Variants in OPHN1 observed in about 807,000 individuals in gnomAD.
OPHN1 encodes oligophrenin-1.
In OPHN1, 11 loss-of-function variants were observed where a neutral mutation model predicts 60.7. The ratio of observed to expected loss-of-function variants is 0.18; its 90% CI spans 0.11 to 0.30. OPHN1 has a LOEUF of 0.30. OPHN1 is among the 10% of genes least tolerant of loss of function. The probability of loss-of-function intolerance (pLI) is 1.00; values close to 1 mark genes in which losing one functional copy is unlikely to be tolerated. For missense variants in OPHN1, 449 were observed against 611.0 expected (o/e 0.73, Z 2.80); for synonymous variants, 226 against 222.6 (o/e 1.02, Z -0.14).
intron 15 of OPHN1, among the ~76,000 whole-genome samples, chrX:68,140,063 A>G (rs2077235882): frequency 8.9e-6 from 1 of 112,253 alleles, no homozygotes; most frequent in Admixed American, 9.4e-5. Flanking sequence ...AATTCATTGA[A>G]AAGTTTGACA....
intron 15 of OPHN1, among the ~76,000 whole-genome samples, chrX:68,131,935 A>G (rs56075207): frequency 0.21 from 23,385 of 111,997 alleles, 2,013 homozygotes; most frequent in Middle Eastern, 0.32. Context: ...TCCATTCCGC[A>G]TGGAAAATTA....
At chrX:68,209,380 A>T (rs2077574030) in intron 9 of OPHN1, among the ~76,000 whole-genome samples, 1 of 111,791 alleles carries the variant, frequency 8.9e-6, no homozygotes, top group African/African-American at 3.2e-5. Flanking sequence ...AGCCTGAGCA[A>T]CATAGTGAGA....
chrX:68,307,458 CAAA>C (rs757375176), intron 2 of OPHN1, among the ~76,000 whole-genome samples: 2 of 50,186 alleles, frequency 4.0e-5, no homozygotes, highest in Non-Finnish European at 4.8e-5. Flanking sequence ...CCTATGTCAA[CAAA>C]AAAAAAAAAA....
intron 3 of OPHN1, among the ~76,000 whole-genome samples, chrX:68,289,251 T>C (rs1165711103): frequency 9.0e-6 from 1 of 111,681 alleles, no homozygotes; most frequent in Admixed American, 9.5e-5. Flanking sequence ...ATCCAAGAAT[T>C]TTCTTTTTAA....
chrX:68,314,985 CAA>C (rs767435080), intron 2 of OPHN1, among the ~76,000 whole-genome samples: 3 of 53,851 alleles, frequency 5.6e-5, no homozygotes. Flanking sequence ...GACTCCATCT[CAA>C]AAAAAAAAAA....
chrX:68,169,089 G>A (rs189728660), intron 15 of OPHN1, among the ~76,000 whole-genome samples: 1 of 111,408 alleles, frequency 9.0e-6, no homozygotes, highest in Non-Finnish European at 1.9e-5. Context: ...GGAGGAACTG[G>A]TACCATTCCT....
At chrX:68,268,840 C>A (rs1208126667) in intron 5 of OPHN1, among the ~76,000 whole-genome samples, 1 of 111,816 alleles carries the variant, frequency 8.9e-6, no homozygotes, top group Non-Finnish European at 1.9e-5. Flanking sequence ...ACCTAAAAAA[C>A]CGCACTGTCT....
chrX:68,371,676 G>A (rs1321237459), intron 2 of OPHN1, among the ~76,000 whole-genome samples: 1 of 112,222 alleles, frequency 8.9e-6, no homozygotes. Flanking sequence ...ACAGGTTTGT[G>A]TCAATACACA....
Position 68,349,215 on chromosome X carries a change from AAAAC to A in OPHN1, c.155-50123_155-50120del, listed in dbSNP as rs1191433870. 3.6e-5 allele frequency among the ~76,000 whole-genome samples: 4 copies of A among 111,585 alleles called. No individual in the cohort carries two copies. In the South Asian group the frequency reaches 1.5e-3, roughly 42 times the overall value. Reference sequence around the variant, plus strand: ...AACCTAAACAAATTAACAAGAAAAAAAAACAAACAACCCCATCAAAAAATGGGCA... The same window carrying A: ...AACCTAAACAAATTAACAAGAAAAAAAAACAACCCCATCAAAAAATGGGCA... On this transcript the variant is annotated intron_variant, in intron 2 of 24. Transcript: ENST00000355520.
chrX:68,202,483 A>G (rs1227639142), intron 10 of OPHN1, among the ~76,000 whole-genome samples: 2 of 108,140 alleles, frequency 1.8e-5, no homozygotes, highest in Middle Eastern at 4.3e-3. Flanking sequence ...ATCACTTACT[A>G]TGTGCCATAT....
chrX:68,236,806 G>A (rs768686103), intron 5 of OPHN1, among the ~76,000 whole-genome samples: 3 of 111,965 alleles, frequency 2.7e-5, no homozygotes, highest in South Asian at 3.7e-4. Flanking sequence ...GTAAATATCC[G>A]GTAGTCCCAG....
intron 2 of OPHN1, among the ~76,000 whole-genome samples, chrX:68,397,335 G>C (rs760834849): frequency 5.5e-5 from 6 of 109,927 alleles, no homozygotes; most frequent in South Asian, 7.8e-4. Flanking sequence ...GCTTCTTATC[G>C]GAGAACATCA....
intron 6 of OPHN1, among the ~76,000 whole-genome samples, chrX:68,217,375 C>T (rs1451251627): frequency 8.9e-6 from 1 of 111,837 alleles, no homozygotes; most frequent in Non-Finnish European, 1.9e-5. Flanking sequence ...ATTGCCCAGG[C>T]TTGCATAGGT....
rs185450024 is a variant in OPHN1 at position 68,407,365 on chromosome X, T to C, written c.154+25502A>G. ...ATGGTAAAATAGGGATAATGATGCC[T>C]ATATGTTCTTTTTTACAGAATTGTT... On this transcript the variant is annotated intron_variant, in intron 2 of 24. Coordinates refer to ENST00000355520, the MANE Select transcript of OPHN1 (RefSeq NM_002547.3). Among the ~76,000 whole-genome samples the C allele has an allele frequency of 1.6e-4, 18 of 112,065 alleles. No homozygotes were observed. In the East Asian group the frequency reaches 4.5e-3, roughly 28 times the overall value.
At chrX:68,071,276 CA>C in intron 20 of OPHN1, 4 of 721,897 alleles carry the variant, frequency 5.5e-6, no homozygotes, top group South Asian at 2.1e-5. Context: ...TGAGCAGTGC[CA>C]AAAGCACCAT....
chrX:68,212,065 C>A (rs191716537), intron 8 of OPHN1, 43 bp downstream of exon 8: 28 of 962,800 alleles, frequency 2.9e-5, no homozygotes. Flanking sequence ...GAAATTCAAT[C>A]GGAATGGAAA....
chrX:68,396,398 C>CA (rs57880548), intron 2 of OPHN1, among the ~76,000 whole-genome samples: 907 of 39,217 alleles, frequency 0.023, 101 homozygotes, highest in African/African-American at 0.055. Context: ...CCACTGCTCT[C>CA]AAAAAAAAAA....
intron 2 of OPHN1, among the ~76,000 whole-genome samples, chrX:68,320,878 G>A (rs1256127216): frequency 9.0e-6 from 1 of 111,205 alleles, no homozygotes; most frequent in Non-Finnish European, 1.9e-5. Flanking sequence ...CCAAACTCAG[G>A]AAACCCCTTA....
chrX:68,374,354 CAAA>C (rs151096060), intron 2 of OPHN1, among the ~76,000 whole-genome samples: 2 of 70,885 alleles, frequency 2.8e-5, no homozygotes, highest in African/African-American at 9.7e-5. Flanking sequence ...GACTCCATCT[CAAA>C]AAAAAAAAAA....
Sources: gnomAD v4.1 joint callset for allele counts (sites outside exome capture counted in the v4.1 genomes callset) on GRCh38, gnomAD v4.1.1 for gene constraint, MANE v1.5 for transcripts, NCBI Gene and HGNC (gene_info 2026-07-23, HGNC 2026-07-21) for gene names.